CNTN4: variants seen among roughly 807,000 people sequenced by gnomAD.
CNTN4 encodes contactin-4.
A neutral mutation model predicts 122.5 loss-of-function variants in CNTN4; 77 were observed. The ratio of observed to expected loss-of-function variants is 0.63; its 90% CI spans 0.52 to 0.76. CNTN4 has a LOEUF of 0.76. Ranked by LOEUF, CNTN4 falls within the 30% of genes least tolerant of loss-of-function variation. The pLI is 0.00. For synonymous variants in CNTN4, 512 were observed against 447.0 expected (o/e 1.15, Z -1.83); for missense variants, 1,256 against 1,259.1 (o/e 1.00, Z 0.04).
At chr3:2,304,912 A>G (rs998776409) in intron 2 of CNTN4, among the ~76,000 whole-genome samples, 3 of 151,704 alleles carry the variant, frequency 2.0e-5, no homozygotes, top group African/African-American at 7.3e-5. Flanking sequence ...GATTTGGCCA[A>G]CGGGGAAATT....
At chr3:2,914,669 G>A (rs1420410973) in intron 12 of CNTN4, among the ~76,000 whole-genome samples, 1 of 152,154 alleles carries the variant, frequency 6.6e-6, no homozygotes, top group Non-Finnish European at 1.5e-5. Context: ...GAAAATCCCT[G>A]GACCAAATGC....
At chr3:3,012,417 C>A (rs148447697) in intron 14 of CNTN4, among the ~76,000 whole-genome samples, 63 of 152,054 alleles carry the variant, frequency 4.1e-4, no homozygotes, top group African/African-American at 1.5e-3. Context: ...GTAGCAAGCT[C>A]TATTCTTGTT....
chr3:2,664,623 C>T (rs1282887187), intron 4 of CNTN4, among the ~76,000 whole-genome samples: 1 of 152,082 alleles, frequency 6.6e-6, no homozygotes, highest in Non-Finnish European at 1.5e-5. Flanking sequence ...CCAAAGTGAG[C>T]CCAGCCACAT....
intron 13 of CNTN4, among the ~76,000 whole-genome samples, chr3:2,955,584 G>A (rs1184283962): frequency 1.3e-5 from 2 of 152,164 alleles, no homozygotes; most frequent in African/African-American, 2.4e-5. Flanking sequence ...CTCTGATTGA[G>A]TCGTATAATT....
chr3:2,691,489 C>T (rs889605977), intron 4 of CNTN4, among the ~76,000 whole-genome samples: 3 of 152,144 alleles, frequency 2.0e-5, no homozygotes, highest in African/African-American at 7.2e-5. Flanking sequence ...TGTGTGGCTC[C>T]AGGACATTAT....
chr3:2,569,996 G>A (rs1312239696), intron 3 of CNTN4, among the ~76,000 whole-genome samples: 3 of 151,868 alleles, frequency 2.0e-5, no homozygotes, highest in South Asian at 2.1e-4. Context: ...TTCACCTTGT[G>A]TCTGGCAAGC....
At chr3:2,399,643 A>C (rs1287571049) in intron 3 of CNTN4, among the ~76,000 whole-genome samples, 1 of 152,058 alleles carries the variant, frequency 6.6e-6, no homozygotes, top group Non-Finnish European at 1.5e-5. Flanking sequence ...AGATACTTGG[A>C]ATTCACCCTC....
chr3:2,133,264 A>C (rs2034534541), intron 2 of CNTN4, among the ~76,000 whole-genome samples: 1 of 152,136 alleles, frequency 6.6e-6, no homozygotes. Flanking sequence ...TTTATGTTAT[A>C]GTTGTTTAGA....
chr3:2,103,683 CTTCTT>C lies in CNTN4; in HGVS notation c.-145+3048_-145+3052del, dbSNP rs1178850617. Among the ~76,000 whole-genome samples, 8 of 152,042 alleles carry C rather than the reference CTTCTT, an allele frequency of 5.3e-5. No individual in the cohort carries two copies. The East Asian group carries it at 5.8e-4, about 11-fold the overall frequency. On this transcript the variant is annotated intron_variant, in intron 2 of 24. Transcript: ENST00000418658. ...CCCATCCTCCAAGAAAGGAAACCCT[CTTCTT>C]TTCCTATGAGCTTTGCAAAATTATT...
chr3:2,250,529 A>G (rs1018589693), intron 2 of CNTN4, among the ~76,000 whole-genome samples: 4 of 151,900 alleles, frequency 2.6e-5, no homozygotes, highest in African/African-American at 9.7e-5. Context: ...GAGGGAGGAT[A>G]TTGAATATTC....
chr3:2,622,630 C>T (rs758090585), intron 4 of CNTN4, among the ~76,000 whole-genome samples: 4 of 152,086 alleles, frequency 2.6e-5, no homozygotes, highest in Admixed American at 2.0e-4. Context: ...AATATGGGGG[C>T]AGTTATGGAG....
intron 13 of CNTN4, among the ~76,000 whole-genome samples, chr3:2,931,696 A>C (rs1475261438): frequency 6.6e-6 from 1 of 152,078 alleles, no homozygotes. Flanking sequence ...TGGTGAGATT[A>C]TAGCTCACTG....
intron 3 of CNTN4, among the ~76,000 whole-genome samples, chr3:2,423,013 CTT>C (rs149563949): frequency 2.9e-3 from 439 of 152,226 alleles, no homozygotes; most frequent in African/African-American, 0.01. Flanking sequence ...TTCACATTAA[CTT>C]AGGGTTTTAG....
intron 2 of CNTN4, among the ~76,000 whole-genome samples, chr3:2,206,551 T>A: frequency 6.6e-6 from 1 of 152,138 alleles, no homozygotes; most frequent in East Asian, 1.9e-4. Context: ...CTTTGAACAA[T>A]ATTTGCACTT....
At chr3:2,914,238 C>CTGGCCA (rs2094331078) in intron 12 of CNTN4, among the ~76,000 whole-genome samples, 1 of 151,856 alleles carries the variant, frequency 6.6e-6, no homozygotes, top group Non-Finnish European at 1.5e-5. Flanking sequence ...AACTTCGCAC[C>CTGGCCA]ACAGGCAACT....
intron 2 of CNTN4, among the ~76,000 whole-genome samples, chr3:2,138,467 A>G (rs945418766): frequency 6.6e-6 from 1 of 152,144 alleles, no homozygotes; most frequent in Non-Finnish European, 1.5e-5. Context: ...TGACTGTATC[A>G]TGGGGTGCCT....
chr3:2,384,775 T>TG (rs1343435051), intron 3 of CNTN4, among the ~76,000 whole-genome samples: 6 of 152,004 alleles, frequency 3.9e-5, no homozygotes, highest in Non-Finnish European at 8.8e-5. Context: ...TGTGTGTGTG[T>TG]GTGTGTGTGT....
At chr3:2,376,930 G>C (rs2045841333) in intron 3 of CNTN4, among the ~76,000 whole-genome samples, 2 of 151,988 alleles carry the variant, frequency 1.3e-5, no homozygotes. Flanking sequence ...GACTGAGGCG[G>C]GTGGATCACG....
intron 2 of CNTN4, among the ~76,000 whole-genome samples, chr3:2,218,756 T>A (rs2038950512): frequency 6.6e-6 from 1 of 152,234 alleles, no homozygotes; most frequent in African/African-American, 2.4e-5. Flanking sequence ...GATTCCAGCC[T>A]ACAATTCTAC....
Sources: gnomAD v4.1 joint callset for allele counts (sites outside exome capture counted in the v4.1 genomes callset) on GRCh38, gnomAD v4.1.1 for gene constraint, MANE v1.5 for transcripts, NCBI Gene and HGNC (gene_info 2026-07-23, HGNC 2026-07-21) for gene names.